The following ATMIN variants were observed in gnomAD, a reference collection of about 807,000 sequenced individuals.
ATMIN encodes ATM interactor.
ATMIN carries 24 observed loss-of-function variants against 49.2 expected under a neutral mutation model. The ratio of observed to expected loss-of-function variants is 0.49; its 90% CI spans 0.35 to 0.69. ATMIN has a LOEUF of 0.69. ATMIN is among the 30% of genes least tolerant of loss of function. The pLI is 0.00. For missense variants in ATMIN, 1,037 were observed against 1,005.5 expected (o/e 1.03, Z -0.42); for synonymous variants, 450 against 392.5 (o/e 1.15, Z -1.73).
intron 1 of ATMIN, among the ~76,000 whole-genome samples, chr16:81,039,085 T>C (rs944926705): frequency 6.6e-6 from 1 of 152,144 alleles, no homozygotes; most frequent in Admixed American, 6.5e-5. Flanking sequence ...AGTGAGCCAC[T>C]GCGCCAGGCC....
rs377554065 is a variant in ATMIN, at chr16:81,042,945, GTA to G, written c.663-214_663-213del. Among the ~76,000 whole-genome samples the G allele has an allele frequency of 2.9e-3, 446 of 152,214 alleles. 2 individuals carry two copies. The highest frequency in any genetic ancestry group is 0.01 in the African/African-American group (419 of 41,530). ...TCTAGTACTTAGAGCTTAACAAAAG[GTA>G]TGTTTCCTCCTTCTCTGTTTGCATG... On this transcript the variant is annotated intron_variant, in intron 3 of 3. Transcript: ENST00000299575.
chr16:81,041,864 C>T (rs761952250), intron 2 of ATMIN, among the ~76,000 whole-genome samples: 7 of 152,098 alleles, frequency 4.6e-5, no homozygotes, highest in Non-Finnish European at 8.8e-5. Flanking sequence ...TTTTGGAAGC[C>T]GCAATCTTAA....
Position 81,045,006 on chromosome 16 carries a change from A to G in ATMIN, c.*36A>G, listed in dbSNP as rs747046502. On this transcript the variant is annotated 3_prime_UTR_variant, in exon 4 of 4. Coordinates refer to ENST00000299575, the MANE Select transcript of ATMIN (RefSeq NM_015251.3). ...GGAGTCCATGTGTGAAATGGCATCTACCATTTCCTCTGGATTAAAACTACG... is the reference window on the plus strand; with the variant it reads ...GGAGTCCATGTGTGAAATGGCATCTGCCATTTCCTCTGGATTAAAACTACG... The G allele has an allele frequency of 3.2e-6, 5 of 1,584,018 alleles. No individual in the cohort carries two copies. The highest frequency in any genetic ancestry group is 4.3e-6 in the Non-Finnish European group (5 of 1,163,746).
At chr16:81,036,800 A>G (rs1166607683) in intron 1 of ATMIN, among the ~76,000 whole-genome samples, 2 of 152,164 alleles carry the variant, frequency 1.3e-5, no homozygotes, top group Non-Finnish European at 2.9e-5. Context: ...TCACTATGCA[A>G]TGTATATGTC....
intron 1 of ATMIN, chr16:81,037,407 C>T: frequency 2.0e-6 from 2 of 985,414 alleles, no homozygotes; most frequent in Non-Finnish European, 2.4e-6. Context: ...GCTCTTACCA[C>T]CATCTAAACC....
rs752024233 is a variant in ATMIN at position 81,044,680 on chromosome 16, A to G, written c.2182A>G (p.Ser728Gly). The change falls in exon 4 of 4, where the codon AGC (serine) becomes GGC (glycine). Residue 728 changes from serine to glycine, a missense_variant. Ser to Gly is a moderately conservative substitution (Grantham distance 56). Transcript: ENST00000299575. The stretch of plus-strand genomic sequence containing the variant: ...TCTGGGAAGTATTCTGAAACACTCC[A>G]GCTTTTCCGTGAGTACTGATTCATC... The part of the protein sequence containing the change: ...LPLGSILKHS[S>G]FSVSTDSSDT... The G allele has an allele frequency of 4.3e-6, 7 of 1,614,112 alleles. No individual in the cohort carries two copies. The highest frequency in any genetic ancestry group is 1.7e-5 in the Admixed American group (1 of 60,004).
chr16:81,036,719 G>A (rs372536109), intron 1 of ATMIN, among the ~76,000 whole-genome samples: 18 of 152,210 alleles, frequency 1.2e-4, no homozygotes, highest in African/African-American at 4.3e-4. Flanking sequence ...TAGAAGAGAG[G>A]GTTTTAAATG....
chr16:81,041,359 G>A lies in ATMIN; in HGVS notation c.340G>A (p.Gly114Ser), dbSNP rs367998858. 3 of 1,609,058 alleles carry A rather than the reference G, an allele frequency of 1.9e-6. No homozygotes were observed. Among genetic ancestry groups the A allele is most frequent in the African/African-American group, 1.3e-5 (1 of 74,498 alleles). The change falls in exon 2 of 4, where the codon GGC (glycine) becomes AGC (serine). Residue 114 changes from glycine (G) to serine (S), a missense_variant. Gly to Ser is a moderately conservative substitution (Grantham distance 56, BLOSUM62 0). Coordinates refer to ENST00000299575, the MANE Select transcript of ATMIN (RefSeq NM_015251.3). ...TAAAGTAATTTTCCTTTTGCAGGAT[G>A]GCATAGTCAATCCAACAATAAGAAA... is the stretch of plus-strand genomic sequence containing the variant. ...HLVKSHRLQD[G>S]IVNPTIRKDL...
intron 1 of ATMIN, chr16:81,037,124 C>G: frequency 1.0e-6 from 1 of 963,826 alleles, no homozygotes; most frequent in Non-Finnish European, 1.2e-6. Context: ...TCCAGCCCCA[C>G]CCCGGACCTG....
In ATMIN at chr16:81,044,666, T is replaced by C; in HGVS notation, c.2168T>C (p.Ile723Thr). 2 of 1,614,200 alleles carry C rather than the reference T, an allele frequency of 1.2e-6. No individual in the cohort carries two copies. Among genetic ancestry groups the C allele is most frequent in the Non-Finnish European group, 1.7e-6 (2 of 1,180,040 alleles). The change falls in exon 4 of 4, where the codon ATT becomes ACT. Residue 723 changes from isoleucine to threonine, a missense_variant. Transcript: ENST00000299575. The stretch of plus-strand genomic sequence containing the variant: ...AGCCCTCATCTGCCTCTGGGAAGTA[T>C]TCTGAAACACTCCAGCTTTTCCGTG... Reference protein sequence around the residue: ...DSSPHLPLGSILKHSSFSVST... With the variant: ...DSSPHLPLGSTLKHSSFSVST...
At position 81,044,145 on chromosome 16, in the gene ATMIN, G is replaced by A; in HGVS notation, c.1647G>A (p.Gln549=). The change falls in exon 4 of 4, where the codon CAG becomes CAA. Residue 549 remains glutamine, a synonymous_variant. Transcript: ENST00000299575. The part of the protein sequence containing the change: ...AETVTHSLLP[Q]NEPKTLNQDI... ...CAGTAACTCATAGTTTGTTACCTCA[G>A]AATGAGCCTAAGACTTTAAATCAAG... The A allele has an allele frequency of 6.2e-7, 1 of 1,614,162 alleles. No individual in the cohort carries two copies. The highest frequency in any genetic ancestry group is 2.2e-5 in the East Asian group (1 of 44,888).
chr16:81,036,165 C>T lies in ATMIN; in HGVS notation c.295C>T (p.Pro99Ser), dbSNP rs199862670. Residue 99 changes from proline to serine, a missense_variant, in exon 1 of 4, where the codon CCC (proline) becomes TCC (serine). By Grantham distance (74) the Pro-to-Ser change is moderately conservative. Transcript: ENST00000299575. The part of the protein sequence containing the change: ...RGCGKILPNS[P>S]ALNMHLVKSH... ...CTGCGGCAAGATCCTGCCCAACAGC[C>T]CCGCGCTCAACATGCACCTAGTCAA... 4.3e-5 allele frequency: 63 copies of T among 1,476,956 alleles called. No individual in the cohort carries two copies. In the African/African-American group the frequency reaches 7.9e-4, roughly 18 times the overall value. 91.5% of individuals were successfully genotyped at this position (1,476,956 alleles called of 1,614,324 possible). A position where few individuals can be genotyped will look rare whatever the true frequency, so the allele number is the denominator to read the frequency against.
At chr16:81,038,540 A>C (rs2873310) in intron 1 of ATMIN, among the ~76,000 whole-genome samples, 114,101 of 152,024 alleles carry the variant, frequency 0.75, 45,411 homozygotes, top group Non-Finnish European at 0.89. Context: ...CGCAGTGCCC[A>C]GTGGCCCCTG....
chr16:81,036,244 C>T lies in ATMIN; in HGVS notation c.336+38C>T, dbSNP rs780803049. 3 of 1,265,254 alleles carry T rather than the reference C, an allele frequency of 2.4e-6. 1 individual carries two copies. Among genetic ancestry groups the T allele is most frequent in the South Asian group, 4.2e-5 (2 of 47,762 alleles). The allele number at this position is 1,265,254 out of a possible 1,614,324, so 78.4% of individuals were successfully genotyped here. A position where few individuals can be genotyped will look rare whatever the true frequency, so the allele number is the denominator to read the frequency against. Reference sequence around the variant, plus strand: ...CGGCCGGCGGCCCGGGGGGCCGGGCCTGGCTCCAACAAAGCGCCCGGCGCC... The same window carrying T: ...CGGCCGGCGGCCCGGGGGGCCGGGCTTGGCTCCAACAAAGCGCCCGGCGCC... On this transcript the variant is annotated intron_variant, in intron 1 of 3. Transcript: ENST00000299575.
intron 1 of ATMIN, chr16:81,037,400 C>G: frequency 8.1e-6 from 8 of 985,450 alleles, no homozygotes; most frequent in Non-Finnish European, 8.4e-6. Context: ...GTGATCTGCT[C>G]TTACCACCAT....
At chr16:81,040,156 G>T (rs1329979809) in intron 1 of ATMIN, among the ~76,000 whole-genome samples, 1 of 152,156 alleles carries the variant, frequency 6.6e-6, no homozygotes, top group Admixed American at 6.6e-5. Context: ...AGTACAAAAA[G>T]TCCAGTGCAT....
rs879031056 is a variant in ATMIN, at chr16:81,043,614, T to G, written c.1116T>G (p.Ala372=). 1 of 1,614,204 alleles carries G rather than the reference T, an allele frequency of 6.2e-7. No homozygotes were observed. The highest frequency in any genetic ancestry group is 1.1e-5 in the South Asian group (1 of 91,084). ...LKESLPLFKI[A]NPIAGEPIST... is the part of the protein sequence containing the mutation. ...AGAGCCTACCTCTTTTCAAAATTGC[T>G]AATCCTATTGCTGGTGAGCCAATAA... Residue 372 remains alanine (A), a synonymous_variant, in exon 4 of 4, where the codon GCT becomes GCG. Coordinates refer to ENST00000299575, the MANE Select transcript of ATMIN (RefSeq NM_015251.3).
chr16:81,044,915 T>G lies in ATMIN; in HGVS notation c.2417T>G (p.Phe806Cys), dbSNP rs1189833792. The change falls in exon 4 of 4, where the codon TTC becomes TGC. Residue 806 changes from phenylalanine to cysteine, a missense_variant. Transcript: ENST00000299575. Reference sequence around the variant, plus strand: ...GCCTGGAACACGATGGAGTCTCAGTTCAGCTCTGTAGAAACCCAGACTTCT... The same window carrying G: ...GCCTGGAACACGATGGAGTCTCAGTGCAGCTCTGTAGAAACCCAGACTTCT... ...DLAWNTMESQ[F>C]SSVETQTSAE... 6.2e-7 allele frequency: 1 copy of G among 1,613,990 alleles called. No individual in the cohort carries two copies. Among genetic ancestry groups the G allele is most frequent in the African/African-American group, 1.3e-5 (1 of 74,924 alleles).
chr16:81,037,453 G>A, intron 1 of ATMIN: 2 of 985,480 alleles, frequency 2.0e-6, no homozygotes, highest in Non-Finnish European at 2.4e-6. Flanking sequence ...AGATCAGGGA[G>A]CCAGTCAGGA....
Sources: gnomAD v4.1 joint callset for allele counts (sites outside exome capture counted in the v4.1 genomes callset) on GRCh38, gnomAD v4.1.1 for gene constraint, MANE v1.5 for transcripts, NCBI Gene and HGNC (gene_info 2026-07-23, HGNC 2026-07-21) for gene names.